SIGLECL1: variants seen among roughly 807,000 people sequenced by gnomAD.
SIGLECL1 encodes the protein SIGLEC family like 1.
Under a neutral mutation model 19.1 loss-of-function variants are expected in SIGLECL1, and 16 were observed. The observed-to-expected ratio is 0.84, with a 90% confidence interval of 0.57 to 1.27. The LOEUF (loss-of-function observed/expected upper bound fraction) is 1.27, where lower values mean the gene tolerates loss of function less well. SIGLECL1 is among the 50% of genes most tolerant of loss of function. The pLI is 0.00. For synonymous variants in SIGLECL1, 89 were observed against 90.4 expected, an observed-to-expected ratio of 0.98 and a Z score of 0.09; for missense variants, 210 against 239.4, an observed-to-expected ratio of 0.88 and a Z score of 0.81.
chr19:51,254,435 A>G (rs553116026), intron 1 of SIGLECL1, among the ~76,000 whole-genome samples: 29 of 152,368 alleles, frequency 1.9e-4, no homozygotes, highest in African/African-American at 6.5e-4. Context: ...TATCCATACA[A>G]TGGAATATTA....
rs1983444206 is a variant in SIGLECL1, at chr19:51,264,032, A to C, written c.-41A>C. ...TCTGATGTCAGAGCCAGTGTAGTAA[A>C]GAGCTTCTGCTGTTCCTGAGAACTG... On this transcript the variant is annotated 5_prime_UTR_variant, in exon 2 of 6. Coordinates refer to ENST00000601727, the MANE Select transcript of SIGLECL1 (RefSeq NM_001385465.1). 1 of 1,613,108 alleles carries C rather than the reference A, an allele frequency of 6.2e-7. No homozygotes were observed. The highest frequency in any genetic ancestry group is 1.3e-5 in the African/African-American group (1 of 74,908).
rs139894359 is a variant in SIGLECL1 at position 51,259,223 on chromosome 19, C to T, written c.-190-4660C>T. 7.9e-5 allele frequency among the ~76,000 whole-genome samples: 12 copies of T among 151,938 alleles called. No homozygotes were observed. In the East Asian group the frequency reaches 1.5e-3, roughly 20 times the overall value. Reference sequence around the variant, plus strand: ...GATTACAAAGTGGATGAGATTCAGGCGAAACTTTGGATGAAAATTGGAATG... The same window carrying T: ...GATTACAAAGTGGATGAGATTCAGGTGAAACTTTGGATGAAAATTGGAATG... On this transcript the variant is annotated intron_variant, in intron 1 of 5. Coordinates refer to ENST00000601727, the MANE Select transcript of SIGLECL1 (RefSeq NM_001385465.1).
In SIGLECL1 at chr19:51,264,061, C is replaced by G; in HGVS notation, c.-12C>G. On this transcript the variant is annotated 5_prime_UTR_variant, in exon 2 of 6. Coordinates refer to ENST00000601727, the MANE Select transcript of SIGLECL1 (RefSeq NM_001385465.1). ...CTTCTGCTGTTCCTGAGAACTGTTG[C>G]TGCTGGAAGTGATGCTTCCACTGCT... 1 of 1,613,920 alleles carries G rather than the reference C, an allele frequency of 6.2e-7. No homozygotes were observed. Among genetic ancestry groups the G allele is most frequent in the Non-Finnish European group, 8.5e-7 (1 of 1,179,926 alleles).
At chr19:51,253,435 G>A (rs1982618142) in intron 1 of SIGLECL1, among the ~76,000 whole-genome samples, 1 of 152,166 alleles carries the variant, frequency 6.6e-6, no homozygotes, top group African/African-American at 2.4e-5. Flanking sequence ...GAAGTGCTCT[G>A]ATTATTAAAT....
At chr19:51,265,256 A>G (rs1296099530) in intron 2 of SIGLECL1, 112 bp from the exon 3 acceptor site, 6 of 1,228,600 alleles carry the variant, frequency 4.9e-6, no homozygotes, top group South Asian at 1.5e-5. Context: ...GCTTCCAGAA[A>G]GTCCTTCTGA....
At chr19:51,247,905 G>A (rs984049613), upstream of SIGLECL1, among the ~76,000 whole-genome samples, 2 of 152,128 alleles carry the variant, frequency 1.3e-5, no homozygotes, top group African/African-American at 2.4e-5. Context: ...TTATGAAGAC[G>A]GTCTTGAGAA....
chr19:51,250,083 T>TC (rs1185875882), upstream of SIGLECL1, among the ~76,000 whole-genome samples: 1 of 147,112 alleles, frequency 6.8e-6, no homozygotes, highest in East Asian at 1.9e-4. Flanking sequence ...TTGGCTGGCT[T>TC]CTTTTTTTTT....
chr19:51,260,674 C>T lies in SIGLECL1; in HGVS notation c.-190-3209C>T, dbSNP rs77059335. Among the ~76,000 whole-genome samples, 138 of 152,134 alleles carry T rather than the reference C, an allele frequency of 9.1e-4. 1 individual carries two copies. In the East Asian group the frequency reaches 0.021, roughly 23 times the overall value. ...ACTTTGTTGCCCTGATTTATATTTC[C>T]ACCAATAGTGTGTGAAAGTTGAGTA... On this transcript the variant is annotated intron_variant, in intron 1 of 5. Transcript: ENST00000601727.
At chr19:51,266,310 A>G (rs1231734957) in intron 4 of SIGLECL1, among the ~76,000 whole-genome samples, 3 of 152,166 alleles carry the variant, frequency 2.0e-5, no homozygotes, top group African/African-American at 4.8e-5. Flanking sequence ...ATAATGCCAC[A>G]AGTAGAAAAT....
chr19:51,268,068 T>G (rs140829879), intron 5 of SIGLECL1, among the ~76,000 whole-genome samples: 3,250 of 152,316 alleles, frequency 0.021, 44 homozygotes, highest in Middle Eastern at 0.034. Flanking sequence ...CCTGCTGCCC[T>G]CCTAACACCC....
intron 1 of SIGLECL1, among the ~76,000 whole-genome samples, chr19:51,261,244 T>G (rs1272981737): frequency 2.0e-5 from 3 of 152,156 alleles, no homozygotes; most frequent in African/African-American, 4.8e-5. Flanking sequence ...TTACCTGGCT[T>G]TCTGGTTGGT....
upstream of SIGLECL1, among the ~76,000 whole-genome samples, chr19:51,248,821 A>G (rs1982347699): frequency 6.6e-6 from 1 of 152,190 alleles, no homozygotes; most frequent in Non-Finnish European, 1.5e-5. Context: ...TCTGATTGGT[A>G]AAGTCTCTAC....
At chr19:51,262,855 C>G (rs969427936) in intron 1 of SIGLECL1, among the ~76,000 whole-genome samples, 5 of 151,816 alleles carry the variant, frequency 3.3e-5, no homozygotes, top group African/African-American at 1.2e-4. Context: ...TGTGTCAATA[C>G]CATACTCTAT....
At chr19:51,261,898 G>A (rs10406033) in intron 1 of SIGLECL1, among the ~76,000 whole-genome samples, 13,088 of 152,138 alleles carry the variant, frequency 0.086, 1,830 homozygotes, top group African/African-American at 0.29. Flanking sequence ...AATACAGATA[G>A]TAAGTATACA....
intron 1 of SIGLECL1, among the ~76,000 whole-genome samples, chr19:51,263,184 C>T (rs191058915): frequency 4.6e-5 from 7 of 152,226 alleles, no homozygotes; most frequent in Admixed American, 1.3e-4. Context: ...GAGACAGGGT[C>T]TCGTGCTGTC....
At chr19:51,260,031 C>A (rs1983098857) in intron 1 of SIGLECL1, among the ~76,000 whole-genome samples, 1 of 152,208 alleles carries the variant, frequency 6.6e-6, no homozygotes, top group African/African-American at 2.4e-5. Flanking sequence ...TTTACCAATT[C>A]ATGGGCAGTG....
chr19:51,258,198 G>A (rs1325214346), intron 1 of SIGLECL1, among the ~76,000 whole-genome samples: 2 of 152,072 alleles, frequency 1.3e-5, no homozygotes, highest in Non-Finnish European at 2.9e-5. Context: ...TGAGAAATGA[G>A]GGTAATCAGG....
intron 2 of SIGLECL1, among the ~76,000 whole-genome samples, chr19:51,264,817 TAAGA>T (rs1983515579): frequency 6.6e-6 from 1 of 152,136 alleles, no homozygotes; most frequent in African/African-American, 2.4e-5. Context: ...AGAAGGAAAT[TAAGA>T]AAGGTGTTCT....
At chr19:51,266,197 C>T (rs373749216) in intron 4 of SIGLECL1, among the ~76,000 whole-genome samples, 18 of 152,122 alleles carry the variant, frequency 1.2e-4, no homozygotes, top group Non-Finnish European at 2.2e-4. Flanking sequence ...GGGTTCAGTA[C>T]TCGTTAGCTT....
Sources: gnomAD v4.1 joint callset for allele counts (sites outside exome capture counted in the v4.1 genomes callset) on GRCh38, gnomAD v4.1.1 for gene constraint, MANE v1.5 for transcripts, NCBI Gene and HGNC (gene_info 2026-07-23, HGNC 2026-07-21) for gene names.